The following TULP4 variants were observed in gnomAD, a reference collection of about 807,000 sequenced individuals.
TULP4 encodes TUB like protein 4.
TULP4 carries 16 observed loss-of-function variants against 129.0 expected under a neutral mutation model. The ratio of observed to expected loss-of-function variants is 0.12; its 90% CI spans 0.08 to 0.19. The LOEUF (loss-of-function observed/expected upper bound fraction) is 0.19. Ranked by LOEUF, TULP4 falls within the 10% of genes least tolerant of loss-of-function variation. The pLI is 1.00. For missense variants in TULP4, 1,842 were observed against 2,059.1 expected (o/e 0.89, Z 2.04); for synonymous variants, 998 against 854.0 (o/e 1.17, Z -2.94).
intron 5 of TULP4, among the ~76,000 whole-genome samples, chr6:158,454,454 C>G (rs1485557839): frequency 6.6e-6 from 1 of 152,094 alleles, no homozygotes; most frequent in African/African-American, 2.4e-5. Flanking sequence ...GTTTCTCTAC[C>G]AAATATCTGG....
intron 1 of TULP4, among the ~76,000 whole-genome samples, chr6:158,261,712 C>T (rs1052413805): frequency 2.0e-5 from 3 of 152,144 alleles, no homozygotes; most frequent in African/African-American, 4.8e-5. Context: ...GTTCATGTAG[C>T]GGTCTGGAGG....
upstream of TULP4, among the ~76,000 whole-genome samples, chr6:158,311,072 A>T (rs1310153726): frequency 6.6e-6 from 1 of 152,128 alleles, no homozygotes; most frequent in Non-Finnish European, 1.5e-5. Flanking sequence ...CACCATGGGT[A>T]CAAATGTGAA....
In TULP4 at chr6:158,429,849, C is replaced by T. The variant is rs1778588987; in HGVS notation, c.495C>T (p.Asn165=). ...SGQRHWSSEI[N]LESQITCGIW... The stretch of plus-strand genomic sequence containing the variant: ...AAAGACACTGGTCATCCGAAATCAA[C>T]TTGGAAAGTCAAATTACGTGTGGCA... Residue 165 remains asparagine (N), a synonymous_variant, in exon 3 of 14, where the codon AAC becomes AAT. Coordinates refer to ENST00000367097, the MANE Select transcript of TULP4 (RefSeq NM_020245.5). The T allele has an allele frequency of 6.2e-7, 1 of 1,613,930 alleles. No individual in the cohort carries two copies. Among genetic ancestry groups the T allele is most frequent in the African/African-American group, 1.3e-5 (1 of 74,870 alleles).
At chr6:158,232,372 T>C (rs1321977051) in intron 1 of TULP4, 1 of 146,626 alleles carries the variant, frequency 6.8e-6, no homozygotes, top group Non-Finnish European at 1.5e-5. Flanking sequence ...CCGAGCGTCG[T>C]CCCTGCCCCG....
At position 158,242,700 on chromosome 6, in the gene TULP4, T is replaced by C. The variant is rs942554822; in HGVS notation, n.68+10397T>C. ...ACAATGCAGGCCAGTTACATCATCTTTGTGGATCTGCAGTATCTTATTGAC... is the reference window on the plus strand; with the variant it reads ...ACAATGCAGGCCAGTTACATCATCTCTGTGGATCTGCAGTATCTTATTGAC... On this transcript the variant is annotated intron_variant and non_coding_transcript_variant, in intron 1 of 1. Transcript: ENST00000620026. 9 of 576,562 alleles carry C rather than the reference T, an allele frequency of 1.6e-5. No individual in the cohort carries two copies. In the Admixed American group the frequency reaches 2.1e-4, roughly 13 times the overall value. 35.7% of individuals were successfully genotyped at this position (576,562 alleles called of 1,614,324 possible). A position where few individuals can be genotyped will look rare whatever the true frequency, so the allele number is the denominator to read the frequency against.
chr6:158,476,654 T>G lies in TULP4; in HGVS notation c.1027-3097T>G, dbSNP rs112625508. The stretch of plus-strand genomic sequence containing the variant: ...GTGATGAACCCCGCAGATCATTTAT[T>G]TATATGCTGTGTAAACAGCCTGTTT... On this transcript the variant is annotated intron_variant, in intron 6 of 13. Coordinates refer to ENST00000367097, the MANE Select transcript of TULP4 (RefSeq NM_020245.5). 9.7e-3 allele frequency among the ~76,000 whole-genome samples: 1,480 copies of G among 152,314 alleles called. 19 individuals are homozygous for G. The highest frequency in any genetic ancestry group is 0.033 in the African/African-American group (1,378 of 41,554).
At chr6:158,506,369 C>T (rs1436887083) in intron 13 of TULP4, among the ~76,000 whole-genome samples, 2 of 151,264 alleles carry the variant, frequency 1.3e-5, no homozygotes, top group Admixed American at 6.6e-5. Flanking sequence ...GTAGCTGGGA[C>T]TACAGGCGCC....
intron 1 of TULP4, among the ~76,000 whole-genome samples, chr6:158,345,519 A>G (rs187795142): frequency 1.3e-3 from 199 of 152,372 alleles, no homozygotes; most frequent in Non-Finnish European, 2.2e-3. Context: ...GTGACATCAC[A>G]TATCGGTAGG....
intron 1 of TULP4, among the ~76,000 whole-genome samples, chr6:158,304,049 A>C (rs1779172478): frequency 6.6e-6 from 1 of 152,198 alleles, no homozygotes. Context: ...AGAATATCTA[A>C]TTGGGGACAA....
At chr6:158,347,894 A>G (rs1336862343) in intron 1 of TULP4, among the ~76,000 whole-genome samples, 1 of 151,914 alleles carries the variant, frequency 6.6e-6, no homozygotes, top group Non-Finnish European at 1.5e-5. Flanking sequence ...TATAAGGTAG[A>G]ATGTTTTTGG....
Position 158,493,720 on chromosome 6 carries a change from A to G in TULP4, c.1776+3A>G, listed in dbSNP as rs781088198. 6.5e-7 allele frequency: 1 copy of G among 1,546,518 alleles called. No homozygotes were observed. The highest frequency in any genetic ancestry group is 1.2e-5 in the South Asian group (1 of 80,964). ...TTCCTTTTGAAGACATCACTCAGGT[A>G]GGAGCCCCCAGTTACCCTGCCTTGC... is the stretch of plus-strand genomic sequence containing the variant. On this transcript the variant is annotated splice_donor_region_variant and intron_variant, in intron 10 of 13. Coordinates refer to ENST00000367097, the MANE Select transcript of TULP4 (RefSeq NM_020245.5). This position sits in a 1 kb window ranked among gnomAD's most constrained non-coding sequence, Gnocchi z 4.4.
chr6:158,446,875 G>A lies in TULP4; in HGVS notation c.544-2121G>A, dbSNP rs114983622. 3.3e-3 allele frequency among the ~76,000 whole-genome samples: 503 copies of A among 152,240 alleles called. 1 individual carries two copies. Among genetic ancestry groups the A allele is most frequent in the African/African-American group, 0.012 (482 of 41,538 alleles). ...TCTCTCATACTCTTCTTATATGGGC[G>A]CTAATCCTATCGTGGGCGCCCCACC... On this transcript the variant is annotated intron_variant, in intron 3 of 13. Transcript: ENST00000367097.
chr6:158,314,470 G>A (rs962217655), intron 1 of TULP4, among the ~76,000 whole-genome samples: 1 of 152,182 alleles, frequency 6.6e-6, no homozygotes, highest in Non-Finnish European at 1.5e-5. Context: ...TCCCCAGGTG[G>A]GTCAGTTGTC....
intron 2 of TULP4, among the ~76,000 whole-genome samples, chr6:158,416,408 A>C (rs1324387457): frequency 1.3e-5 from 2 of 152,214 alleles, no homozygotes; most frequent in African/African-American, 4.8e-5. Context: ...GACCGGGTGT[A>C]GGCCTAGGCT....
rs187110137 is a variant in TULP4 at position 158,276,690 on chromosome 6, G to A, written n.69-35361G>A. On this transcript the variant is annotated intron_variant and non_coding_transcript_variant, in intron 1 of 1. Coordinates refer to the TULP4 transcript ENST00000620026. ...ATAGGGTCCCTTTGCCCAGCACTCT[G>A]TTTTTAAATTCAGAATAATTGGGAA... Among the ~76,000 whole-genome samples the A allele has an allele frequency of 4.6e-5, 7 of 152,198 alleles. No individual in the cohort carries two copies. The Middle Eastern group carries it at 0.01, about 222-fold the overall frequency.
At chr6:158,476,688 A>G (rs1032355259) in intron 6 of TULP4, among the ~76,000 whole-genome samples, 23 of 152,086 alleles carry the variant, frequency 1.5e-4, no homozygotes, top group African/African-American at 5.1e-4. Flanking sequence ...TTCTCTTCCT[A>G]TTTGCCTTTT....
chr6:158,337,474 G>A (rs572728809), intron 1 of TULP4, among the ~76,000 whole-genome samples: 3 of 152,250 alleles, frequency 2.0e-5, no homozygotes, highest in African/African-American at 7.2e-5. Flanking sequence ...ACAGACTGAA[G>A]CAATGGATAG....
At chr6:158,256,364 T>A (rs1778244200) in intron 1 of TULP4, among the ~76,000 whole-genome samples, 1 of 152,222 alleles carries the variant, frequency 6.6e-6, no homozygotes. Flanking sequence ...TACTAACATG[T>A]ACACACATAT....
Position 158,502,206 on chromosome 6 carries a change from C to G in TULP4, c.2543C>G (p.Ala848Gly). Residue 848 changes from alanine (A) to glycine (G), a missense_variant, in exon 13 of 14, where the codon GCA becomes GGA. By Grantham distance (60) the Ala-to-Gly change is moderately conservative (BLOSUM62 0). Coordinates refer to ENST00000367097, the MANE Select transcript of TULP4 (RefSeq NM_020245.5). ...PGTIPAAPTT[A>G]APPPPLPPPQ... ...ACCATCCCCGCTGCCCCCACCACAG[C>G]AGCACCCCCGCCCCCTCTGCCGCCC... is the stretch of plus-strand genomic sequence containing the variant. The G allele has an allele frequency of 6.6e-7, 1 of 1,511,636 alleles. No individual in the cohort carries two copies. Among genetic ancestry groups the G allele is most frequent in the Non-Finnish European group, 8.9e-7 (1 of 1,120,754 alleles). 93.6% of individuals were successfully genotyped at this position (1,511,636 alleles called of 1,614,324 possible).
Sources: allele counts gnomAD v4.1 joint callset (sites outside exome capture counted in the v4.1 genomes callset), GRCh38; gene constraint gnomAD v4.1.1; non-coding constraint Gnocchi (gnomAD v3.1); transcripts MANE v1.5; gene names NCBI Gene and HGNC (gene_info 2026-07-23, HGNC 2026-07-21).